ZFHX3: variants seen among roughly 807,000 people sequenced by gnomAD.
ZFHX3 encodes the protein zinc finger homeobox protein 3.
Under a neutral mutation model 279.1 loss-of-function variants are expected in ZFHX3, and 42 were observed. The ratio of observed to expected loss-of-function variants is 0.15; its 90% CI spans 0.12 to 0.19. The LOEUF is 0.19. Ranked by LOEUF, ZFHX3 falls within the 10% of genes least tolerant of loss-of-function variation. ZFHX3 has a pLI of 1.00. For synonymous variants in ZFHX3, 2,293 were observed against 1,957.8 expected (o/e 1.17, Z -4.52); for missense variants, 4,981 against 4,754.0 (o/e 1.05, Z -1.40).
At chr16:73,425,063 C>T (rs1269033938) in intron 3 of ZFHX3, among the ~76,000 whole-genome samples, 2 of 152,176 alleles carry the variant, frequency 1.3e-5, no homozygotes, top group Non-Finnish European at 1.5e-5. Context: ...CTGCCCTTTT[C>T]CTGCCCTCTC....
chr16:73,267,205 T>C (rs950478515), intron 4 of ZFHX3, among the ~76,000 whole-genome samples: 3 of 152,168 alleles, frequency 2.0e-5, no homozygotes, highest in African/African-American at 4.8e-5. Flanking sequence ...CTGATGCATC[T>C]TTCTGCTGCA....
In ZFHX3 at chr16:72,957,453, G is replaced by A. The variant is rs774418985; in HGVS notation, c.2693C>T (p.Pro898Leu). Reference sequence around the variant, plus strand: ...TAGAGCAGGCGTCATGGCGGCCATGGGCCCGGCGGGATCCAGCTGGAATCC... The same window carrying A: ...TAGAGCAGGCGTCATGGCGGCCATGAGCCCGGCGGGATCCAGCTGGAATCC... Reference protein sequence around the residue: ...MSGFQLDPAGPMAAMTPALVG... With the variant: ...MSGFQLDPAGLMAAMTPALVG... The change falls in exon 2 of 10, where the codon CCC becomes CTC. Residue 898 changes from proline to leucine, a missense_variant. Physicochemically the swap from Pro to Leu is moderately conservative, Grantham distance 98 (BLOSUM62 -3). Coordinates refer to ENST00000268489, the MANE Select transcript of ZFHX3 (RefSeq NM_006885.4). The A allele has an allele frequency of 4.3e-6, 7 of 1,612,318 alleles. No homozygotes were observed. The highest frequency in any genetic ancestry group is 5.9e-6 in the Non-Finnish European group (7 of 1,178,966).
At chr16:73,560,797 G>A (rs1178733326) in intron 2 of ZFHX3, among the ~76,000 whole-genome samples, 1 of 152,192 alleles carries the variant, frequency 6.6e-6, no homozygotes, top group East Asian at 1.9e-4. Flanking sequence ...AATCTCACTT[G>A]TGTGAGTCGC....
intron 4 of ZFHX3, among the ~76,000 whole-genome samples, chr16:73,298,936 T>C (rs1436712556): frequency 6.6e-6 from 1 of 152,234 alleles, no homozygotes; most frequent in Non-Finnish European, 1.5e-5. Flanking sequence ...AAAAGCTATG[T>C]GTATTTCTTA....
chr16:73,136,302 C>T (rs1966791080), intron 6 of ZFHX3, among the ~76,000 whole-genome samples: 1 of 152,166 alleles, frequency 6.6e-6, no homozygotes. Context: ...CTGAGGACAT[C>T]ACTCTTCTGC....
intron 3 of ZFHX3, among the ~76,000 whole-genome samples, chr16:73,392,297 T>TA (rs547077272): frequency 3.5e-4 from 53 of 151,408 alleles, no homozygotes; most frequent in Admixed American, 9.2e-4. Flanking sequence ...GGGGTGTGCC[T>TA]ATAGCCCCAG....
chr16:72,955,729 G>A (rs1961221541), intron 2 of ZFHX3, among the ~76,000 whole-genome samples: 1 of 139,986 alleles, frequency 7.1e-6, no homozygotes, highest in African/African-American at 2.7e-5. Flanking sequence ...AGTGAGCCGA[G>A]ACGGCACCAC....
intron 2 of ZFHX3, among the ~76,000 whole-genome samples, chr16:73,557,408 G>A (rs369330607): frequency 5.1e-4 from 77 of 152,256 alleles, no homozygotes; most frequent in Middle Eastern, 6.8e-3. Flanking sequence ...GGGCGAGTTC[G>A]TAAAGTGAAA....
chr16:73,737,644 G>A (rs2053620674), intron 1 of ZFHX3, among the ~76,000 whole-genome samples: 1 of 151,242 alleles, frequency 6.6e-6, no homozygotes, highest in African/African-American at 2.4e-5. Flanking sequence ...CCATCTACCT[G>A]CCCCATTTTA....
intron 2 of ZFHX3, among the ~76,000 whole-genome samples, chr16:73,462,487 G>A (rs796547342): frequency 2.0e-5 from 3 of 152,092 alleles, no homozygotes; most frequent in African/African-American, 7.2e-5. Flanking sequence ...TCCTTGCCTT[G>A]TTCCTGGTTA....
intron 1 of ZFHX3, among the ~76,000 whole-genome samples, chr16:73,878,501 C>T (rs1329614590): frequency 6.6e-6 from 1 of 152,074 alleles, no homozygotes; most frequent in Non-Finnish European, 1.5e-5. Flanking sequence ...GAAAAGTAGA[C>T]TTAGGAAGAC....
chr16:73,226,080 G>A (rs182923866), intron 5 of ZFHX3, among the ~76,000 whole-genome samples: 2 of 152,174 alleles, frequency 1.3e-5, no homozygotes, highest in African/African-American at 4.8e-5. Context: ...ATAAACTGGG[G>A]ACATAGGGGC....
chr16:72,894,367 C>G (rs2038844949), intron 3 of ZFHX3, among the ~76,000 whole-genome samples: 1 of 152,184 alleles, frequency 6.6e-6, no homozygotes, highest in African/African-American at 2.4e-5. Context: ...AAGGTCCTGA[C>G]CTCTGTGACC....
chr16:73,257,058 C>T (rs535479067), exon 5 of ZFHX3: 4 of 152,228 alleles, frequency 2.6e-5, no homozygotes, highest in East Asian at 3.9e-4. Flanking sequence ...TTCTCCAAAT[C>T]GAGGGTGAAG....
chr16:73,111,271 CTTTTGT>C (rs972936928), intron 7 of ZFHX3, among the ~76,000 whole-genome samples: 17 of 152,186 alleles, frequency 1.1e-4, no homozygotes, highest in African/African-American at 3.9e-4. Context: ...TTCGATTCTG[CTTTTGT>C]TTTTGTTTTT....
chr16:72,898,294 C>T (rs1355391934), intron 3 of ZFHX3, among the ~76,000 whole-genome samples: 1 of 152,158 alleles, frequency 6.6e-6, no homozygotes, highest in African/African-American at 2.4e-5. Flanking sequence ...TAAAAATGTT[C>T]CCTTAGATCA....
intron 4 of ZFHX3, among the ~76,000 whole-genome samples, chr16:72,864,851 G>GGAATCTAA (rs2037974635): frequency 3.3e-5 from 5 of 152,196 alleles, no homozygotes; most frequent in Non-Finnish European, 7.3e-5. Flanking sequence ...ATGATGCCTA[G>GGAATCTAA]CGCAATCTAA....
At chr16:73,325,928 A>AAAAACACAC (rs368062772) in intron 3 of ZFHX3, among the ~76,000 whole-genome samples, 13 of 145,572 alleles carry the variant, frequency 8.9e-5, no homozygotes, top group Non-Finnish European at 7.6e-5. Context: ...CACACACACA[A>AAAAACACAC]ACACACACAC....
At position 72,796,476 on chromosome 16, in the gene ZFHX3, G is replaced by A. The variant is rs1178437753; in HGVS notation, c.6206C>T (p.Pro2069Leu). 1 of 1,608,516 alleles carries A rather than the reference G, an allele frequency of 6.2e-7. No homozygotes were observed. The highest frequency in any genetic ancestry group is 1.3e-5 in the African/African-American group (1 of 74,646). The change falls in exon 9 of 10, where the codon CCA becomes CTA. Residue 2069 changes from proline to leucine, a missense_variant. By Grantham distance (98) the Pro-to-Leu change is moderately conservative (BLOSUM62 -3). Around this residue, in one of 7 missense-constraint regions of ZFHX3, gnomAD observed 1,751 missense variants for 1,770.0 expected, o/e 0.99. Coordinates refer to ENST00000268489, the MANE Select transcript of ZFHX3 (RefSeq NM_006885.4). ...ASTPAIPASA[P>L]PITSPTIAPA... ...TGCAATTGTAGGTGAGGTGATGGGTGGGGCTGATGCGGGGATGGCTGGTGT... is the reference window on the plus strand; with the variant it reads ...TGCAATTGTAGGTGAGGTGATGGGTAGGGCTGATGCGGGGATGGCTGGTGT...
Sources: gnomAD v4.1 joint callset for allele counts (sites outside exome capture counted in the v4.1 genomes callset) on GRCh38, gnomAD v4.1.1 for gene constraint, gnomAD v4.1.1 regional missense constraint, MANE v1.5 for transcripts, NCBI Gene and HGNC (gene_info 2026-07-23, HGNC 2026-07-21) for gene names.